Variants in SLIT3 observed in about 807,000 individuals in gnomAD.
The protein encoded by SLIT3 is slit homolog 3 protein.
SLIT3 carries 68 observed loss-of-function variants against 184.0 expected under a neutral mutation model. That is an observed-to-expected ratio of 0.37 (90% CI 0.30 to 0.45). SLIT3 has a LOEUF of 0.45. Among genes scored for constraint, SLIT3 ranks in the 20% least tolerant of loss-of-function variants. The pLI, the probability that SLIT3 is intolerant of heterozygous loss-of-function variation, is 1.00. For missense variants in SLIT3, 1,707 were observed against 2,026.0 expected (o/e 0.84, Z 3.02); for synonymous variants, 831 against 828.6 (o/e 1.00, Z -0.05).
intron 33 of SLIT3, among the ~76,000 whole-genome samples, chr5:168,672,565 TC>T (rs1158104381): frequency 6.6e-6 from 1 of 152,074 alleles, no homozygotes; most frequent in Non-Finnish European, 1.5e-5. Flanking sequence ...AGCCCCAACC[TC>T]CCAGGCTCAA....
At chr5:169,241,756 G>A (rs6867929) in intron 3 of SLIT3, among the ~76,000 whole-genome samples, 3,561 of 152,250 alleles carry the variant, frequency 0.023, 79 homozygotes, top group South Asian at 0.13. Context: ...AAAATATGGT[G>A]TCATAAGTGG....
chr5:168,798,636 A>G lies in SLIT3; in HGVS notation c.936-3058T>C, dbSNP rs192634850. ...CAAGGCCATTGCATGATGAGGGTCA[A>G]CCCTGCCCCAGGAGGCAGCAGGAAT... is the stretch of plus-strand genomic sequence containing the variant. On this transcript the variant is annotated intron_variant, in intron 9 of 35. Transcript: ENST00000519560. 3.1e-3 allele frequency among the ~76,000 whole-genome samples: 470 copies of G among 152,192 alleles called. 1 individual carries two copies. Among genetic ancestry groups the G allele is most frequent in the Non-Finnish European group, 5.5e-3 (374 of 68,020 alleles).
At chr5:169,052,304 G>T (rs920593040) in intron 4 of SLIT3, among the ~76,000 whole-genome samples, 2 of 152,126 alleles carry the variant, frequency 1.3e-5, no homozygotes, top group African/African-American at 2.4e-5. Flanking sequence ...ATATCTACAG[G>T]ACGGCCTGTG....
chr5:169,172,587 A>G (rs908741961), intron 4 of SLIT3, among the ~76,000 whole-genome samples: 1 of 152,170 alleles, frequency 6.6e-6, no homozygotes, highest in Middle Eastern at 3.2e-3. Flanking sequence ...GTTGCTGAAC[A>G]CCCATTAAAA....
intron 4 of SLIT3, among the ~76,000 whole-genome samples, chr5:169,160,934 A>G (rs1039947334): frequency 1.5e-4 from 23 of 152,228 alleles, no homozygotes; most frequent in Admixed American, 1.2e-3. Flanking sequence ...AAAAGAAAAA[A>G]GGGCAGAAAG....
intron 2 of SLIT3, among the ~76,000 whole-genome samples, chr5:169,246,045 A>G (rs1765576587): frequency 1.3e-5 from 2 of 152,218 alleles, no homozygotes; most frequent in East Asian, 1.9e-4. Flanking sequence ...TGGGACAGGT[A>G]ACTGTTTCGT....
At chr5:168,844,884 T>C in intron 5 of SLIT3, 1 of 458,556 alleles carries the variant, frequency 2.2e-6, no homozygotes, top group Non-Finnish European at 3.9e-6. Context: ...TCTCAGTAAA[T>C]ATTAATTGCG....
chr5:169,129,527 G>A (rs1336520671), intron 4 of SLIT3, among the ~76,000 whole-genome samples: 1 of 152,062 alleles, frequency 6.6e-6, no homozygotes, highest in African/African-American at 2.4e-5. Context: ...ACTCCAGCCT[G>A]GGCAATAGAG....
chr5:168,965,900 G>A (rs924693606), intron 4 of SLIT3, among the ~76,000 whole-genome samples: 1 of 152,178 alleles, frequency 6.6e-6, no homozygotes, highest in Admixed American at 6.5e-5. Context: ...TGTTTAGTGG[G>A]AGAAACAAGA....
chr5:168,764,538 T>C (rs1048690544), intron 14 of SLIT3, among the ~76,000 whole-genome samples: 1 of 152,192 alleles, frequency 6.6e-6, no homozygotes, highest in African/African-American at 2.4e-5. Flanking sequence ...TATTTTTCCA[T>C]AGTGGGCTAT....
At chr5:169,208,484 C>G (rs1047216213) in intron 3 of SLIT3, among the ~76,000 whole-genome samples, 5 of 151,876 alleles carry the variant, frequency 3.3e-5, no homozygotes, top group Admixed American at 6.6e-5. Flanking sequence ...CAAGAAAATC[C>G]CAAGCAAAGA....
chr5:169,153,615 G>A (rs902301591), intron 4 of SLIT3, among the ~76,000 whole-genome samples: 5 of 152,350 alleles, frequency 3.3e-5, no homozygotes, highest in Admixed American at 6.5e-5. Flanking sequence ...CAGGCTGAAC[G>A]TCAGGCACAG....
intron 14 of SLIT3, among the ~76,000 whole-genome samples, chr5:168,764,041 C>T (rs911728179): frequency 2.0e-5 from 3 of 152,314 alleles, no homozygotes; most frequent in Non-Finnish European, 4.4e-5. Context: ...TGGCAACTTA[C>T]TAGTCTCAGT....
rs149859936 is a variant in SLIT3, at chr5:168,743,005, G to A, written c.2270+5297C>T. On this transcript the variant is annotated intron_variant, in intron 20 of 35. Transcript: ENST00000519560. ...AAATTAGCTGAGCGTGGTGGCATGC[G>A]CCTGTAGTCCCAGCTACCGGAGAGG... Among the ~76,000 whole-genome samples, 104 of 152,184 alleles carry A rather than the reference G, an allele frequency of 6.8e-4. 1 individual carries two copies. In the South Asian group the frequency reaches 0.019, roughly 28 times the overall value.
intron 9 of SLIT3, among the ~76,000 whole-genome samples, chr5:168,796,281 G>A (rs911072279): frequency 5.9e-5 from 9 of 152,142 alleles, no homozygotes; most frequent in African/African-American, 1.9e-4. Context: ...AACAAGAGAC[G>A]CTGCAGGCCC....
chr5:169,051,685 A>G (rs922116200), intron 4 of SLIT3, among the ~76,000 whole-genome samples: 2 of 152,228 alleles, frequency 1.3e-5, no homozygotes, highest in African/African-American at 4.8e-5. Context: ...AGTTATGCTC[A>G]TCCTGTGGGA....
At chr5:169,236,130 T>G (rs1401785441) in intron 3 of SLIT3, among the ~76,000 whole-genome samples, 1 of 152,260 alleles carries the variant, frequency 6.6e-6, no homozygotes, top group Non-Finnish European at 1.5e-5. Flanking sequence ...CTCATTTATT[T>G]CTGTGAGTAT....
At chr5:168,762,468 C>T in intron 15 of SLIT3, 71 bp downstream of exon 15, 1 of 1,551,286 alleles carries the variant, frequency 6.4e-7, no homozygotes, top group South Asian at 1.2e-5. Context: ...GCCAGGAGAC[C>T]CTGCCCACGC....
At chr5:169,248,703 C>CT (rs1276490200) in intron 2 of SLIT3, among the ~76,000 whole-genome samples, 1 of 152,060 alleles carries the variant, frequency 6.6e-6, no homozygotes, top group Non-Finnish European at 1.5e-5. Flanking sequence ...TGGAGTTTAA[C>CT]TTTTTTATTA....
Sources: allele counts gnomAD v4.1 joint callset (sites outside exome capture counted in the v4.1 genomes callset), GRCh38; gene constraint gnomAD v4.1.1; transcripts MANE v1.5; gene names NCBI Gene and HGNC (gene_info 2026-07-23, HGNC 2026-07-21).